CSMD1: variants seen among roughly 807,000 people sequenced by gnomAD.
The protein encoded by CSMD1 is CUB and sushi domain-containing protein 1.
Under a neutral mutation model 417.5 loss-of-function variants are expected in CSMD1, and 213 were observed. The observed-to-expected ratio is 0.51, with a 90% confidence interval of 0.46 to 0.57. The LOEUF is 0.57. Among genes scored for constraint, CSMD1 ranks in the 20% least tolerant of loss-of-function variants. CSMD1 has a pLI of 0.00. For missense variants in CSMD1, 6,923 were observed against 4,529.7 expected (o/e 1.53, Z -15.17); for synonymous variants, 2,862 against 1,736.8 (o/e 1.65, Z -16.11).
chr8:4,262,690 G>T (rs890402183), intron 3 of CSMD1, among the ~76,000 whole-genome samples: 1 of 152,068 alleles, frequency 6.6e-6, no homozygotes, highest in Non-Finnish European at 1.5e-5. Context: ...TCAGCCTCCA[G>T]CCTCAAGTTA....
chr8:4,196,184 C>A (rs920143132), intron 3 of CSMD1, among the ~76,000 whole-genome samples: 5 of 152,088 alleles, frequency 3.3e-5, no homozygotes, highest in Non-Finnish European at 4.4e-5. Flanking sequence ...GCACTCCAGC[C>A]TGGGCGACGG....
chr8:3,968,051 G>T (rs959745426), intron 5 of CSMD1, among the ~76,000 whole-genome samples: 2 of 148,728 alleles, frequency 1.3e-5, no homozygotes, highest in Non-Finnish European at 3.0e-5. Context: ...GCCGGGAGTG[G>T]TGGCGGGCGC....
At chr8:4,454,161 T>C (rs1204857840) in intron 2 of CSMD1, among the ~76,000 whole-genome samples, 1 of 151,952 alleles carries the variant, frequency 6.6e-6, no homozygotes, top group Non-Finnish European at 1.5e-5. Context: ...GTGAGCAGAT[T>C]CAGCCTATTA....
rs542664213 is a variant in CSMD1 at position 4,414,632 on chromosome 8, C to A, written c.415+5321G>T. Among the ~76,000 whole-genome samples the A allele has an allele frequency of 3.3e-5, 5 of 152,112 alleles. No individual in the cohort carries two copies. The South Asian group carries it at 1.0e-3, about 32-fold the overall frequency. On this transcript the variant is annotated intron_variant, in intron 3 of 69. Coordinates refer to ENST00000635120, the MANE Select transcript of CSMD1 (RefSeq NM_033225.6). ...AAACTTCTGCATGCGTGGGTGTGTT[C>A]ACTAGAAAGAAAATCAAATTCAAAT... is the stretch of plus-strand genomic sequence containing the variant.
intron 3 of CSMD1, among the ~76,000 whole-genome samples, chr8:4,363,622 G>A (rs556330135): frequency 3.3e-5 from 5 of 152,286 alleles, no homozygotes; most frequent in Non-Finnish European, 7.3e-5. Context: ...AACGTCCCTG[G>A]GAAGGACGGT....
intron 7 of CSMD1, among the ~76,000 whole-genome samples, chr8:3,671,548 C>T (rs1453106811): frequency 3.5e-4 from 1 of 2,898 alleles, no homozygotes; most frequent in Non-Finnish European, 6.2e-4. Flanking sequence ...TATATATGAT[C>T]ATATATATGA....
At chr8:4,927,754 G>A (rs1014940324) in intron 1 of CSMD1, among the ~76,000 whole-genome samples, 3 of 152,086 alleles carry the variant, frequency 2.0e-5, no homozygotes, top group African/African-American at 7.2e-5. Flanking sequence ...CTTGGCAAAT[G>A]CATTTGTCCA....
At chr8:4,230,590 T>C (rs1368010836) in intron 3 of CSMD1, among the ~76,000 whole-genome samples, 4 of 152,206 alleles carry the variant, frequency 2.6e-5, no homozygotes, top group African/African-American at 4.8e-5. Flanking sequence ...TCCTTAATGT[T>C]CATGGCTGTT....
In CSMD1 at chr8:3,187,603, T is replaced by C. The variant is rs1258542735; in HGVS notation, c.5620+266A>G. On this transcript the variant is annotated intron_variant, in intron 36 of 69. Coordinates refer to ENST00000635120, the MANE Select transcript of CSMD1 (RefSeq NM_033225.6). ...TCACATTACTATTCCTGGCTTCTGC[T>C]GCCAGCCTGAGACCTGCCGCATGTC... 2.6e-5 allele frequency among the ~76,000 whole-genome samples: 4 copies of C among 152,166 alleles called. No homozygotes were observed. The East Asian group carries it at 7.7e-4, about 29-fold the overall frequency.
In CSMD1 at chr8:4,788,169, G is replaced by T. The variant is rs187177934; in HGVS notation, c.86-150611C>A. ...TGGTCACTGTGAAAAAATCAAGAAG[G>T]CCTGTGGAAATTTTGGCATTCCATG... On this transcript the variant is annotated intron_variant, in intron 1 of 69. Coordinates refer to ENST00000635120, the MANE Select transcript of CSMD1 (RefSeq NM_033225.6). 1.4e-5 allele frequency: 23 copies of T among 1,596,668 alleles called. No homozygotes were observed. The Admixed American group carries it at 1.9e-4, about 13-fold the overall frequency.
chr8:3,543,404 C>A (rs36039490), intron 10 of CSMD1, among the ~76,000 whole-genome samples: 2 of 152,024 alleles, frequency 1.3e-5, no homozygotes, highest in Non-Finnish European at 2.9e-5. Flanking sequence ...GTGTTGAGAA[C>A]AGAATGAACA....
intron 52 of CSMD1, among the ~76,000 whole-genome samples, 170 bp from the exon 53 acceptor site, chr8:3,000,301 TA>T (rs1807288336): frequency 6.6e-6 from 1 of 151,512 alleles, no homozygotes; most frequent in Non-Finnish European, 1.5e-5. Flanking sequence ...TTTTTTTTAT[TA>T]TTTTTTTTCA....
intron 1 of CSMD1, among the ~76,000 whole-genome samples, chr8:4,720,681 C>T (rs1316792336): frequency 6.6e-6 from 1 of 152,110 alleles, no homozygotes; most frequent in Non-Finnish European, 1.5e-5. Flanking sequence ...CTTGGCTTCC[C>T]AAAGAGCTGG....
chr8:2,994,373 T>C (rs1006321962), intron 54 of CSMD1, among the ~76,000 whole-genome samples: 4 of 152,228 alleles, frequency 2.6e-5, no homozygotes, highest in African/African-American at 9.6e-5. Context: ...GGTGGATTCT[T>C]TCCCCACACA....
chr8:4,136,346 T>C (rs1245409595), intron 3 of CSMD1, among the ~76,000 whole-genome samples: 1 of 152,172 alleles, frequency 6.6e-6, no homozygotes, highest in Non-Finnish European at 1.5e-5. Context: ...GATAATAAAA[T>C]ATTCATCGCT....
At chr8:4,111,569 C>A (rs1801857268) in intron 3 of CSMD1, among the ~76,000 whole-genome samples, 1 of 152,118 alleles carries the variant, frequency 6.6e-6, no homozygotes, top group African/African-American at 2.4e-5. Flanking sequence ...TTCACATACA[C>A]CATGGAATAC....
chr8:3,265,480 C>G (rs193084488), intron 26 of CSMD1, among the ~76,000 whole-genome samples: 1 of 152,088 alleles, frequency 6.6e-6, no homozygotes, highest in East Asian at 1.9e-4. Flanking sequence ...TGGTGTTTAA[C>G]CGCAACCTGT....
intron 1 of CSMD1, among the ~76,000 whole-genome samples, chr8:4,680,736 C>T (rs2130975841): frequency 6.6e-6 from 1 of 152,190 alleles, no homozygotes; most frequent in South Asian, 2.1e-4. Flanking sequence ...AGGCCCACCA[C>T]ACCCAGCTAT....
Position 2,984,734 on chromosome 8 carries a change from G to A in CSMD1, c.8378-5934C>T, listed in dbSNP as rs553603430. ...CAGAGACACATAGTGGTAATTTTGG[G>A]TCTAGGAAGTCAGGAATCCCAACAA... On this transcript the variant is annotated intron_variant, in intron 54 of 69. Transcript: ENST00000635120. Among the ~76,000 whole-genome samples, 76 of 152,322 alleles carry A rather than the reference G, an allele frequency of 5.0e-4. No homozygotes were observed. The South Asian group carries it at 0.014, about 29-fold the overall frequency.
Sources: gnomAD v4.1 joint callset for allele counts (sites outside exome capture counted in the v4.1 genomes callset) on GRCh38, gnomAD v4.1.1 for gene constraint, MANE v1.5 for transcripts, NCBI Gene and HGNC (gene_info 2026-07-23, HGNC 2026-07-21) for gene names.